ALLC: variants seen among roughly 807,000 people sequenced by gnomAD.
ALLC encodes the protein probable inactive allantoicase.
A neutral mutation model predicts 45.0 loss-of-function variants in ALLC; 40 were observed. The observed-to-expected ratio is 0.89, with a 90% CI of 0.69 to 1.16. ALLC has a LOEUF of 1.16. Among genes scored for constraint, ALLC ranks in the 50% most tolerant of loss-of-function variants. ALLC has a pLI of 0.00. For missense variants in ALLC, 488 were observed against 493.1 expected, an observed-to-expected ratio of 0.99 and a Z score of 0.10; for synonymous variants, 176 against 178.1, an observed-to-expected ratio of 0.99 and a Z score of 0.09.
chr2:3,649,013 A>T, the ALLC span, among the ~76,000 whole-genome samples: 1 of 152,208 alleles, frequency 6.6e-6, no homozygotes, highest in Admixed American at 6.5e-5. Context: ...CCTGGGTGCC[A>T]GGCAGTGGTG....
chr2:3,651,405 G>GCA, the ALLC span, among the ~76,000 whole-genome samples: 10 of 45,156 alleles, frequency 2.2e-4, no homozygotes, highest in Non-Finnish European at 3.1e-4. Context: ...GTGTGTGTGT[G>GCA]TGTGTGTGTG....
At chr2:3,650,617 C>T in the ALLC span, among the ~76,000 whole-genome samples, 3,274 of 152,256 alleles carry the variant, frequency 0.022, 87 homozygotes, top group African/African-American at 0.066. Flanking sequence ...AGTGCGTGCA[C>T]CTCCCTTCCA....
At chr2:3,678,179 T>A (rs1412637119) in intron 3 of ALLC, among the ~76,000 whole-genome samples, 1 of 152,246 alleles carries the variant, frequency 6.6e-6, no homozygotes, top group African/African-American at 2.4e-5. Flanking sequence ...GGGAATTGCA[T>A]TTGTGCGGCC....
the ALLC span, among the ~76,000 whole-genome samples, chr2:3,651,308 GT>G: frequency 0.034 from 168 of 4,872 alleles, 5 homozygotes; most frequent in East Asian, 0.078. Context: ...GGGTGGGTGG[GT>G]GGGTGGGGGG....
intron 7 of ALLC, among the ~76,000 whole-genome samples, chr2:3,694,344 C>T (rs925892683): frequency 3.3e-5 from 5 of 152,190 alleles, no homozygotes; most frequent in Non-Finnish European, 5.9e-5. Context: ...AGGATTCCAC[C>T]TGGGATCCAG....
chr2:3,668,653 G>A (rs187492595), intron 1 of ALLC, among the ~76,000 whole-genome samples: 117 of 127,170 alleles, frequency 9.2e-4, no homozygotes, highest in African/African-American at 3.4e-3. Flanking sequence ...TCGGCTCACC[G>A]CAAACTCCGC....
chr2:3,655,251 C>T (rs1179302517), upstream of ALLC, among the ~76,000 whole-genome samples: 1 of 152,238 alleles, frequency 6.6e-6, no homozygotes. Flanking sequence ...CACCCATCAC[C>T]TTTGCTGTGT....
intron 7 of ALLC, among the ~76,000 whole-genome samples, chr2:3,690,075 T>C (rs1667433720): frequency 6.7e-6 from 1 of 149,064 alleles, no homozygotes; most frequent in African/African-American, 2.4e-5. Context: ...TCAGCCTATT[T>C]GTGTCTTTAT....
intron 1 of ALLC, among the ~76,000 whole-genome samples, chr2:3,663,506 A>G (rs1225708473): frequency 6.6e-6 from 1 of 152,148 alleles, no homozygotes; most frequent in Non-Finnish European, 1.5e-5. Context: ...TGATCTGTGC[A>G]GCAAACCACC....
At chr2:3,679,337 G>A (rs1425889051) in intron 4 of ALLC, among the ~76,000 whole-genome samples, 1 of 152,206 alleles carries the variant, frequency 6.6e-6, no homozygotes, top group Non-Finnish European at 1.5e-5. Context: ...GATGCAGGCA[G>A]GTGTCTGACC....
intron 2 of ALLC, among the ~76,000 whole-genome samples, chr2:3,673,394 T>G (rs1572512550): frequency 1.3e-5 from 2 of 152,252 alleles, no homozygotes; most frequent in East Asian, 3.9e-4. Flanking sequence ...GCACATCAGG[T>G]CTTCCCTCTG....
In ALLC at chr2:3,680,758, G is replaced by A. The variant is rs1036138389; in HGVS notation, c.298+764G>A. On this transcript the variant is annotated intron_variant, in intron 5 of 11. Transcript: ENST00000252505. This position sits in a 1 kb window ranked among gnomAD's most constrained non-coding sequence, Gnocchi z 4.0. ...AACTGAAGGCAGCCTCCAGAACAGG[G>A]AAGAGGGCGGTGTGCGTCACAGCCT... Among the ~76,000 whole-genome samples the A allele has an allele frequency of 1.3e-5, 2 of 152,076 alleles. No homozygotes were observed. The highest frequency in any genetic ancestry group is 2.9e-5 in the Non-Finnish European group (2 of 68,018).
intron 1 of ALLC, among the ~76,000 whole-genome samples, chr2:3,664,909 C>G (rs1040986401): frequency 2.0e-5 from 3 of 151,462 alleles, no homozygotes; most frequent in East Asian, 1.9e-4. Flanking sequence ...AACCAAAACC[C>G]CCCCCCAAAC....
chr2:3,663,103 T>C (rs1666614793), intron 1 of ALLC, among the ~76,000 whole-genome samples: 1 of 152,238 alleles, frequency 6.6e-6, no homozygotes, highest in African/African-American at 2.4e-5. Context: ...TAAATCATTC[T>C]GTTACAAAGA....
At chr2:3,659,175 G>A (rs780345776) in intron 1 of ALLC, among the ~76,000 whole-genome samples, 5 of 152,138 alleles carry the variant, frequency 3.3e-5, no homozygotes, top group Non-Finnish European at 2.9e-5. Flanking sequence ...TCTTCTTTAC[G>A]AGGGAGTAAC....
intron 7 of ALLC, chr2:3,694,727 G>C (rs949925488): frequency 1.3e-5 from 2 of 152,110 alleles, no homozygotes; most frequent in Non-Finnish European, 2.9e-5. Flanking sequence ...TAAATAGCAA[G>C]ACTTCCATTG....
chr2:3,681,700 A>G lies in ALLC; in HGVS notation c.365A>G (p.Glu122Gly). The G allele has an allele frequency of 6.2e-7, 1 of 1,609,574 alleles. No homozygotes were observed. The highest frequency in any genetic ancestry group is 8.5e-7 in the Non-Finnish European group (1 of 1,177,786). ...GCTGCAGCCACTCCTGAGGAGTTTGAAGCCATTGCTGAGGTACATCTCCCC... is the reference window on the plus strand; with the variant it reads ...GCTGCAGCCACTCCTGAGGAGTTTGGAGCCATTGCTGAGGTACATCTCCCC... ...TGAAATPEEFEAIAELKSDDW... is the reference protein window; with the variant it reads ...TGAAATPEEFGAIAELKSDDW... The change falls in exon 6 of 12, where the codon GAA (glutamate) becomes GGA (glycine). Residue 122 changes from glutamate to glycine, a missense_variant. Physicochemically the swap from Glu to Gly is moderately conservative, Grantham distance 98. Coordinates refer to ENST00000252505, the MANE Select transcript of ALLC (RefSeq NM_018436.4).
chr2:3,697,260 G>A lies in ALLC; in HGVS notation c.742-88G>A, dbSNP rs60670252. 2,065 of 945,402 alleles carry A rather than the reference G, an allele frequency of 2.2e-3. 19 individuals carry two copies. The African/African-American group carries it at 0.027, about 12-fold the overall frequency. The allele number at this position is 945,402 out of a possible 1,614,324, so 58.6% of individuals were successfully genotyped here. On this transcript the variant is annotated intron_variant, in intron 9 of 11. Coordinates refer to ENST00000252505, the MANE Select transcript of ALLC (RefSeq NM_018436.4). ...CTATAGTAAGAAATAAAAGAAACAC[G>A]TCAACCTTTTTCACCTGTTGGTTTT...
the ALLC span, among the ~76,000 whole-genome samples, chr2:3,650,923 T>G: frequency 0.025 from 3,753 of 152,282 alleles, 150 homozygotes; most frequent in African/African-American, 0.085. Context: ...GGGCCTGAAG[T>G]CAGAACCATT....
Sources: allele counts gnomAD v4.1 joint callset (sites outside exome capture counted in the v4.1 genomes callset), GRCh38; gene constraint gnomAD v4.1.1; non-coding constraint Gnocchi (gnomAD v3.1); transcripts MANE v1.5; gene names NCBI Gene and HGNC (gene_info 2026-07-23, HGNC 2026-07-21).